The following PRKG1 variants were observed in gnomAD, a reference collection of about 807,000 sequenced individuals.
PRKG1 encodes cGMP-dependent protein kinase 1.
Under a neutral mutation model 88.1 loss-of-function variants are expected in PRKG1, and 35 were observed. The ratio of observed to expected loss-of-function variants is 0.40; its 90% CI spans 0.30 to 0.53. The LOEUF is 0.53. Ranked by LOEUF, PRKG1 falls within the 20% of genes least tolerant of loss-of-function variation. The pLI, the probability that PRKG1 is intolerant of heterozygous loss-of-function variation, is 0.59. For synonymous variants in PRKG1, 303 were observed against 292.5 expected, an observed-to-expected ratio of 1.04 and a Z score of -0.37; for missense variants, 540 against 839.8, an observed-to-expected ratio of 0.64 and a Z score of 4.41.
chr10:52,006,507 G>A (rs1002749900), intron 5 of PRKG1, among the ~76,000 whole-genome samples: 2 of 152,134 alleles, frequency 1.3e-5, no homozygotes, highest in South Asian at 4.1e-4. Flanking sequence ...CAGCAGAATA[G>A]ACCAGGCTGA....
intron 5 of PRKG1, among the ~76,000 whole-genome samples, chr10:52,005,908 T>G (rs1844722907): frequency 2.0e-5 from 3 of 151,424 alleles, no homozygotes; most frequent in Admixed American, 1.3e-4. Context: ...AGGATATGGC[T>G]TATCTGCCTG....
chr10:51,305,549 A>G (rs1841015071), intron 2 of PRKG1, among the ~76,000 whole-genome samples: 1 of 152,136 alleles, frequency 6.6e-6, no homozygotes, highest in East Asian at 1.9e-4. Flanking sequence ...AAAACTTTCT[A>G]AGACCTGTTT....
chr10:51,218,786 G>A (rs562905474), intron 2 of PRKG1, among the ~76,000 whole-genome samples: 24 of 151,582 alleles, frequency 1.6e-4, no homozygotes, highest in Non-Finnish European at 2.8e-4. Flanking sequence ...GATTGATAAC[G>A]GTTAGCCCAA....
chr10:51,025,545 A>G lies in PRKG1; in HGVS notation c.266+33901A>G, dbSNP rs566126761. Among the ~76,000 whole-genome samples the G allele has an allele frequency of 3.9e-5, 6 of 152,190 alleles. 1 individual carries two copies. The South Asian group carries it at 8.3e-4, about 21-fold the overall frequency. On this transcript the variant is annotated intron_variant, in intron 1 of 17. Coordinates refer to the PRKG1 transcript ENST00000401604. Reference sequence around the variant, plus strand: ...TTCATGCAGGCACATTTCTCCTCCCATTGGCTGCCCAACTCTGTCATGCTC... The same window carrying G: ...TTCATGCAGGCACATTTCTCCTCCCGTTGGCTGCCCAACTCTGTCATGCTC...
At chr10:52,260,614 A>T (rs1228764540) in intron 10 of PRKG1, among the ~76,000 whole-genome samples, 2 of 152,172 alleles carry the variant, frequency 1.3e-5, no homozygotes, top group East Asian at 3.9e-4. Flanking sequence ...TAAAATATGT[A>T]AACAAGTTTT....
At chr10:51,734,806 AAAG>A (rs1837221959) in intron 3 of PRKG1, among the ~76,000 whole-genome samples, 2 of 152,174 alleles carry the variant, frequency 1.3e-5, no homozygotes, top group South Asian at 4.1e-4. Flanking sequence ...TAAAAGGAGG[AAAG>A]AATTCAGTCT....
chr10:51,488,792 C>G (rs1314518537), intron 3 of PRKG1, among the ~76,000 whole-genome samples: 2 of 152,098 alleles, frequency 1.3e-5, no homozygotes, highest in African/African-American at 4.8e-5. Flanking sequence ...TAGACTGGCT[C>G]TCTGCGTCCA....
intron 4 of PRKG1, among the ~76,000 whole-genome samples, chr10:51,834,694 AAGAGAG>A (rs1209824300): frequency 7.2e-6 from 1 of 139,782 alleles, no homozygotes; most frequent in African/African-American, 3.1e-5. Context: ...GAAAGAAAGA[AAGAGAG>A]AGAGAGAAAG....
At chr10:52,158,842 T>A (rs1027459394) in intron 8 of PRKG1, among the ~76,000 whole-genome samples, 1 of 151,434 alleles carries the variant, frequency 6.6e-6, no homozygotes, top group East Asian at 1.9e-4. Context: ...AAATTCTATA[T>A]ATTTATAATA....
intron 10 of PRKG1, among the ~76,000 whole-genome samples, chr10:52,270,708 T>C (rs12411766): frequency 0.035 from 3,867 of 110,624 alleles, 249 homozygotes; most frequent in East Asian, 0.28. Flanking sequence ...CATCACACAC[T>C]GGGGACTGTT....
chr10:51,138,078 C>T (rs1370372073), intron 1 of PRKG1, among the ~76,000 whole-genome samples: 8 of 152,086 alleles, frequency 5.3e-5, no homozygotes, highest in African/African-American at 1.9e-4. Flanking sequence ...TAGATTTACT[C>T]CTCATTATGT....
chr10:51,444,810 G>C (rs1250646887), intron 2 of PRKG1, among the ~76,000 whole-genome samples: 1 of 151,898 alleles, frequency 6.6e-6, no homozygotes, highest in Non-Finnish European at 1.5e-5. Flanking sequence ...AAAATACAAA[G>C]TTTGCCTTTT....
intron 4 of PRKG1, among the ~76,000 whole-genome samples, chr10:51,819,643 T>A (rs768430586): frequency 2.6e-5 from 4 of 151,730 alleles, no homozygotes; most frequent in Non-Finnish European, 1.5e-5. Context: ...TTTGCAGGAG[T>A]CAGGAAAAGG....
At chr10:51,423,875 G>C (rs980366621) in intron 2 of PRKG1, among the ~76,000 whole-genome samples, 2 of 151,786 alleles carry the variant, frequency 1.3e-5, no homozygotes, top group African/African-American at 4.8e-5. Flanking sequence ...TTTTACTTAG[G>C]GTAAAAATAG....
rs141011275 is a variant in PRKG1, at chr10:51,332,874, C to G, written c.479-134849C>G. ...CCTTCTGTTGGTCTCTCTGATTTCC[C>G]CATCACTGTAGAGTAGAACAGGGAT... On this transcript the variant is annotated intron_variant, in intron 2 of 17. Transcript: ENST00000373980. 2.1e-3 allele frequency among the ~76,000 whole-genome samples: 321 copies of G among 152,250 alleles called. 3 individuals carry two copies. Among genetic ancestry groups the G allele is most frequent in the Middle Eastern group, 0.017 (5 of 294 alleles).
rs187230188 is a variant in PRKG1 at position 51,454,096 on chromosome 10, C to T, written c.479-13627C>T. ...AAACACTGCTGAAAGAAATCATCAA[C>T]AGCACAAACAAATGGAAACACATCC... On this transcript the variant is annotated intron_variant, in intron 2 of 17. Coordinates refer to ENST00000373980, the MANE Select transcript of PRKG1 (RefSeq NM_006258.4). Among the ~76,000 whole-genome samples, 184 of 152,114 alleles carry T rather than the reference C, an allele frequency of 1.2e-3. 1 individual carries two copies. Among genetic ancestry groups the T allele is most frequent in the African/African-American group, 4.1e-3 (170 of 41,542 alleles).
At chr10:51,878,002 T>C (rs1841340776) in intron 4 of PRKG1, among the ~76,000 whole-genome samples, 1 of 152,192 alleles carries the variant, frequency 6.6e-6, no homozygotes, top group Non-Finnish European at 1.5e-5. Context: ...TGCCCATGTG[T>C]ATGGATAAAT....
rs1309294672 is a variant in PRKG1 at position 51,257,247 on chromosome 10, A to ATGC, written c.478+103918_478+103920dup. On this transcript the variant is annotated intron_variant, in intron 2 of 17. Transcript: ENST00000373980. The stretch of plus-strand genomic sequence containing the variant: ...TGCAGCATCAGTGGGATGCTTAGAG[A>ATGC]TGCCCATCAGACAGCTGGAGACGTG... 5.3e-5 allele frequency among the ~76,000 whole-genome samples: 8 copies of ATGC among 151,144 alleles called. No homozygotes were observed. In the East Asian group the frequency reaches 1.6e-3, roughly 30 times the overall value.
intron 2 of PRKG1, among the ~76,000 whole-genome samples, chr10:51,462,694 A>G (rs1246467817): frequency 1.3e-5 from 2 of 152,178 alleles, no homozygotes; most frequent in African/African-American, 4.8e-5. Context: ...ACATCTTTCA[A>G]TTATTCATGA....
Sources: gnomAD v4.1 joint callset for allele counts (sites outside exome capture counted in the v4.1 genomes callset) on GRCh38, gnomAD v4.1.1 for gene constraint, MANE v1.5 for transcripts, NCBI Gene and HGNC (gene_info 2026-07-23, HGNC 2026-07-21) for gene names.